UBAP2: variants seen among roughly 807,000 people sequenced by gnomAD.
UBAP2 encodes ubiquitin associated protein 2.
In UBAP2, 75 loss-of-function variants were observed where a neutral mutation model predicts 139.6. The ratio of observed to expected loss-of-function variants is 0.54; its 90% CI spans 0.45 to 0.65. The LOEUF is 0.65. Among genes scored for constraint, UBAP2 ranks in the 30% least tolerant of loss-of-function variants. UBAP2 has a pLI of 0.00. For missense variants in UBAP2, 1,368 were observed against 1,369.6 expected (o/e 1.00, Z 0.02); for synonymous variants, 526 against 526.2 (o/e 1.00, Z 0.01).
At chr9:33,931,106 G>C (rs1322859375) in intron 19 of UBAP2, among the ~76,000 whole-genome samples, 1 of 152,158 alleles carries the variant, frequency 6.6e-6, no homozygotes, top group East Asian at 1.9e-4. Flanking sequence ...GAACAACACA[G>C]GCTTGAAATG....
intron 1 of UBAP2, among the ~76,000 whole-genome samples, chr9:34,019,715 A>ACG (rs1587671485): frequency 1.4e-5 from 2 of 148,076 alleles, no homozygotes; most frequent in African/African-American, 4.9e-5. Context: ...ACACACACAC[A>ACG]CACACACACG....
chr9:33,955,552 G>T (rs1280877036), intron 11 of UBAP2, among the ~76,000 whole-genome samples: 1 of 151,716 alleles, frequency 6.6e-6, no homozygotes, highest in Non-Finnish European at 1.5e-5. Context: ...AAAAGGGCCA[G>T]GTGTGGTGGC....
intron 24 of UBAP2, 67 bp downstream of exon 24, chr9:33,923,728 G>A: frequency 2.0e-6 from 3 of 1,509,560 alleles, no homozygotes; most frequent in Non-Finnish European, 2.8e-6. Context: ...TGGAAGATAG[G>A]TCCCAGGTTT....
intron 1 of UBAP2, among the ~76,000 whole-genome samples, chr9:34,023,977 G>A (rs1487260824): frequency 1.3e-5 from 2 of 152,084 alleles, no homozygotes; most frequent in African/African-American, 2.4e-5. Context: ...CTGGGAGGCG[G>A]AGTCTGCAGG....
chr9:33,948,885 C>G (rs1046859492), intron 12 of UBAP2: 1 of 291,504 alleles, frequency 3.4e-6, no homozygotes, highest in Non-Finnish European at 6.7e-6. Flanking sequence ...CGCGGTGGCT[C>G]ACGCCTGTAA....
intron 4 of UBAP2, among the ~76,000 whole-genome samples, chr9:33,989,413 T>C (rs543487387): frequency 1.3e-5 from 2 of 152,172 alleles, no homozygotes; most frequent in East Asian, 1.9e-4. Context: ...GTGTTAGCCA[T>C]GATGGTCTCG....
Position 33,939,748 on chromosome 9 carries a change from A to AG in UBAP2, c.1929+1900dup, listed in dbSNP as rs1193220378. On this transcript the variant is annotated intron_variant, in intron 16 of 28. Coordinates refer to ENST00000379238, the MANE Select transcript of UBAP2 (RefSeq NM_001370062.2). ...AAGAAGAGAAGGAGAGGGAGGGAGA[A>AG]GGGGGGGAGGGGGAGGGGGAGGAGG... 2.7e-3 allele frequency among the ~76,000 whole-genome samples: 119 copies of AG among 44,466 alleles called. 5 individuals carry two copies. Among genetic ancestry groups the AG allele is most frequent in the African/African-American group, 0.012 (111 of 9,586 alleles). The allele number at this position is 44,466 out of a possible 152,430, so 29.2% of individuals were successfully genotyped here.
chr9:34,017,981 T>C (rs776485514), intron 1 of UBAP2, among the ~76,000 whole-genome samples: 2 of 152,110 alleles, frequency 1.3e-5, no homozygotes, highest in Non-Finnish European at 2.9e-5. Flanking sequence ...AACAAACATT[T>C]ATTGACTAGC....
chr9:34,048,958 G>A (rs1056543190), upstream of UBAP2: 2 of 152,250 alleles, frequency 1.3e-5, no homozygotes, highest in South Asian at 4.1e-4. Context: ...ACGGGCGAAG[G>A]AGGAGCCACA....
In UBAP2 at chr9:33,922,299, TC is replaced by T. The variant is rs1360758285; in HGVS notation, c.*204del. 4.5e-5 allele frequency: 26 copies of T among 577,528 alleles called. No individual in the cohort carries two copies. The highest frequency in any genetic ancestry group is 4.6e-4 in the Middle Eastern group (1 of 2,158). The allele number at this position is 577,528 out of a possible 1,614,324, so 35.8% of individuals were successfully genotyped here. ...CTAACATCTGCCGCCATCCCCCAAC[TC>T]CCCCCCAGACTTCTATCACATTTAC... On this transcript the variant is annotated 3_prime_UTR_variant, in exon 29 of 29. Coordinates refer to ENST00000379238, the MANE Select transcript of UBAP2 (RefSeq NM_001370062.2).
chr9:33,993,209 A>G (rs1821865456), intron 4 of UBAP2, among the ~76,000 whole-genome samples: 1 of 152,228 alleles, frequency 6.6e-6, no homozygotes, highest in South Asian at 2.1e-4. Flanking sequence ...CCAAGTAATA[A>G]TTTTGTTTCA....
chr9:33,984,003 C>A (rs922700882), intron 6 of UBAP2, among the ~76,000 whole-genome samples: 3 of 152,032 alleles, frequency 2.0e-5, no homozygotes, highest in African/African-American at 7.3e-5. Context: ...CCTCCACTTC[C>A]CCCAGTTCTC....
intron 2 of UBAP2, among the ~76,000 whole-genome samples, chr9:34,015,807 T>G (rs1010569716): frequency 6.6e-6 from 1 of 152,096 alleles, no homozygotes; most frequent in African/African-American, 2.4e-5. Context: ...TACCTGGGAC[T>G]ACAAATGGAA....
At position 34,034,798 on chromosome 9, in the gene UBAP2, G is replaced by A. The variant is rs1172433988; in HGVS notation, c.-42+14027C>T. ...TGAGGGAGGAGAATTGCTTCAACCT[G>A]GGAGGCGGAGGTTGCAGTGAGTCAA... is the stretch of plus-strand genomic sequence containing the variant. On this transcript the variant is annotated intron_variant, in intron 1 of 28. Coordinates refer to ENST00000379238, the MANE Select transcript of UBAP2 (RefSeq NM_001370062.2). Among the ~76,000 whole-genome samples the A allele has an allele frequency of 2.0e-5, 3 of 152,008 alleles. No individual in the cohort carries two copies. The South Asian group carries it at 6.2e-4, about 32-fold the overall frequency.
intron 4 of UBAP2, among the ~76,000 whole-genome samples, chr9:33,994,110 G>A (rs1263561907): frequency 6.6e-6 from 1 of 151,978 alleles, no homozygotes; most frequent in East Asian, 1.9e-4. Context: ...TGACCAGGCT[G>A]GTCTCAAACT....
chr9:33,966,815 T>C (rs1827498852), intron 8 of UBAP2, among the ~76,000 whole-genome samples: 1 of 152,212 alleles, frequency 6.6e-6, no homozygotes, highest in African/African-American at 2.4e-5. Flanking sequence ...TCTATATGCA[T>C]TTGTTAGAAT....
intron 2 of UBAP2, 53 bp downstream of exon 2, chr9:34,016,994 TATA>T (rs1407369053): frequency 2.4e-6 from 3 of 1,263,620 alleles, no homozygotes; most frequent in African/African-American, 1.6e-5. Context: ...AAACTTCAAG[TATA>T]ATAATAAAAG....
At chr9:34,047,987 GTAA>G (rs1827759968) in intron 1 of UBAP2, among the ~76,000 whole-genome samples, 1 of 152,166 alleles carries the variant, frequency 6.6e-6, no homozygotes, top group African/African-American at 2.4e-5. Context: ...GGAAATAACA[GTAA>G]TAATGATGGG....
intron 1 of UBAP2, among the ~76,000 whole-genome samples, chr9:34,030,168 G>A (rs565341847): frequency 4.0e-5 from 6 of 149,732 alleles, no homozygotes; most frequent in East Asian, 2.0e-4. Context: ...CAGGTGAGCC[G>A]GGCGCGGTGG....
Sources: gnomAD v4.1 joint callset for allele counts (sites outside exome capture counted in the v4.1 genomes callset) on GRCh38, gnomAD v4.1.1 for gene constraint, MANE v1.5 for transcripts, NCBI Gene and HGNC (gene_info 2026-07-23, HGNC 2026-07-21) for gene names.